Variants in RBM25 observed in about 807,000 individuals in gnomAD.
The protein encoded by RBM25 is RNA binding motif protein 25.
A neutral mutation model predicts 120.7 loss-of-function variants in RBM25; 19 were observed. The observed-to-expected ratio is 0.16, with a 90% CI of 0.11 to 0.23. The LOEUF is 0.23. RBM25 is among the 10% of genes least tolerant of loss of function. RBM25 has a pLI of 1.00. For synonymous variants in RBM25, 390 were observed against 326.7 expected (o/e 1.19, Z -2.09); for missense variants, 605 against 1,041.5 (o/e 0.58, Z 5.77).
rs766461418 is a variant in RBM25, at chr14:73,080,213, C to CTT, written c.324+2704_324+2705dup. 5.0e-3 allele frequency among the ~76,000 whole-genome samples: 336 copies of CTT among 67,186 alleles called. 74 individuals carry two copies. Among genetic ancestry groups the CTT allele is most frequent in the African/African-American group, 7.4e-3 (117 of 15,798 alleles). The allele number at this position is 67,186 out of a possible 152,430, so 44.1% of individuals were successfully genotyped here. A position where few individuals can be genotyped will look rare whatever the true frequency, so the allele number is the denominator to read the frequency against. ...TGTCCGAGTTTCTATTCTTACACAT[C>CTT]TTTTTTTTTTTTTTTTTTTTTTTTT... On this transcript the variant is annotated intron_variant, in intron 4 of 18. Transcript: ENST00000261973.
chr14:73,065,720 G>A (rs1222518530), intron 1 of RBM25, among the ~76,000 whole-genome samples: 2 of 151,480 alleles, frequency 1.3e-5, no homozygotes, highest in African/African-American at 4.9e-5. Context: ...ACCCAGCCCA[G>A]TGTTTATATT....
At chr14:73,083,412 A>G (rs183897796) in intron 4 of RBM25, 82 bp from the exon 5 acceptor site, 2 of 1,111,752 alleles carry the variant, frequency 1.8e-6, no homozygotes, top group Admixed American at 7.1e-5. Context: ...TATCCCTAGT[A>G]GAAATATAAT....
At chr14:73,117,472 C>T (rs931338072) in intron 18 of RBM25, among the ~76,000 whole-genome samples, 5 of 152,106 alleles carry the variant, frequency 3.3e-5, no homozygotes, top group African/African-American at 4.8e-5. Context: ...CTCAGGTGAT[C>T]TGCCTACCTA....
chr14:73,065,844 C>A (rs1594894435), intron 1 of RBM25, among the ~76,000 whole-genome samples: 1 of 151,826 alleles, frequency 6.6e-6, no homozygotes, highest in East Asian at 1.9e-4. Context: ...TGTGAGCCAC[C>A]GCCCCTGACC....
intron 7 of RBM25, 144 bp from the exon 8 acceptor site, chr14:73,099,236 A>G: frequency 1.4e-6 from 1 of 702,716 alleles, no homozygotes; most frequent in Non-Finnish European, 2.3e-6. Flanking sequence ...AATCACTTCT[A>G]TTCCCAAGTA....
At chr14:73,111,885 CA>C in intron 16 of RBM25, 83 bp downstream of exon 16, 2 of 1,425,246 alleles carry the variant, frequency 1.4e-6, no homozygotes, top group Non-Finnish European at 1.9e-6. Context: ...AAAAAAACCT[CA>C]TTTGATTCTA....
chr14:73,076,953 C>T (rs541330122), intron 3 of RBM25, among the ~76,000 whole-genome samples: 4 of 152,168 alleles, frequency 2.6e-5, no homozygotes, highest in Admixed American at 6.5e-5. Context: ...TGGTGGTGCG[C>T]GCCTGTAATC....
At chr14:73,100,854 A>C (rs1237021696) in intron 9 of RBM25, 1 of 152,252 alleles carries the variant, frequency 6.6e-6, no homozygotes, top group Non-Finnish European at 1.5e-5. Flanking sequence ...TAATTTTGAG[A>C]GTTGAAAAGG....
intron 10 of RBM25, among the ~76,000 whole-genome samples, chr14:73,104,403 C>G (rs187001060): frequency 1.0e-3 from 154 of 146,806 alleles, no homozygotes; most frequent in African/African-American, 3.7e-3. Flanking sequence ...AGTTTTTGCT[C>G]TGTTGCCCAA....
intron 9 of RBM25, chr14:73,102,243 T>G (rs2140454186): frequency 6.6e-6 from 1 of 152,348 alleles, no homozygotes; most frequent in South Asian, 2.1e-4. Flanking sequence ...GTTTGGGGTA[T>G]TTTTTTCTGA....
In RBM25 at chr14:73,111,513, G is replaced by A. The variant is rs771931672; in HGVS notation, c.2018-15G>A. The A allele has an allele frequency of 1.3e-6, 2 of 1,573,934 alleles. No homozygotes were observed. Among genetic ancestry groups the A allele is most frequent in the South Asian group, 1.2e-5 (1 of 84,260 alleles). On this transcript the variant is annotated splice_polypyrimidine_tract_variant and intron_variant, in intron 15 of 18. Transcript: ENST00000261973. ...GAAATTAAGTCATCTTGCTAAGAGA[G>A]TGTTTTTACTGTAGGTGCTTCCAAT...
chr14:73,083,898 CTTT>C (rs146202316), intron 5 of RBM25, among the ~76,000 whole-genome samples: 1 of 141,140 alleles, frequency 7.1e-6, no homozygotes, highest in Admixed American at 7.2e-5. Flanking sequence ...GGCCTGTTAA[CTTT>C]TTTTTTTTTT....
At chr14:73,059,554 G>GAC (rs1894950439) in intron 1 of RBM25, 1 of 152,206 alleles carries the variant, frequency 6.6e-6, no homozygotes, top group Admixed American at 6.5e-5. Context: ...GGGCAGAGTG[G>GAC]AGCCAAGAGA....
At chr14:73,106,356 A>C in intron 12 of RBM25, 71 bp downstream of exon 12, 2 of 1,179,306 alleles carry the variant, frequency 1.7e-6, no homozygotes, top group South Asian at 3.5e-5. Flanking sequence ...GCTAACTACA[A>C]GTAACTTAAT....
intron 10 of RBM25, among the ~76,000 whole-genome samples, chr14:73,105,295 C>T (rs1035319665): frequency 6.6e-6 from 1 of 151,898 alleles, no homozygotes; most frequent in African/African-American, 2.4e-5. Flanking sequence ...CCTCCTACCT[C>T]GGCTTCTTAA....
chr14:73,115,891 C>T (rs1368243758), intron 18 of RBM25, among the ~76,000 whole-genome samples: 4 of 152,088 alleles, frequency 2.6e-5, no homozygotes, highest in East Asian at 1.9e-4. Context: ...TCAGCCCAGA[C>T]GATGGCAAGG....
At chr14:73,116,064 A>C (rs1896420665) in intron 18 of RBM25, among the ~76,000 whole-genome samples, 1 of 152,100 alleles carries the variant, frequency 6.6e-6, no homozygotes, top group Admixed American at 6.5e-5. Flanking sequence ...ATGAACGTCC[A>C]TGGAGTTGTT....
intron 6 of RBM25, among the ~76,000 whole-genome samples, chr14:73,094,899 C>A (rs536427530): frequency 1.4e-4 from 21 of 151,792 alleles, no homozygotes; most frequent in Non-Finnish European, 2.4e-4. Flanking sequence ...CTCTGTCTCC[C>A]AGGCTGGAAT....
intron 7 of RBM25, among the ~76,000 whole-genome samples, chr14:73,097,547 C>T (rs1038099098): frequency 6.6e-5 from 10 of 152,056 alleles, no homozygotes; most frequent in African/African-American, 1.4e-4. Context: ...GTTTTCTAGG[C>T]TGGTCTCCAA....
Sources: gnomAD v4.1 joint callset for allele counts (sites outside exome capture counted in the v4.1 genomes callset) on GRCh38, gnomAD v4.1.1 for gene constraint, MANE v1.5 for transcripts, NCBI Gene and HGNC (gene_info 2026-07-23, HGNC 2026-07-21) for gene names.